The following CDK19 variants were observed in gnomAD, a reference collection of about 807,000 sequenced individuals.
CDK19 encodes the protein cyclin-dependent kinase 19.
In CDK19, 20 loss-of-function variants were observed where a neutral mutation model predicts 68.3. The observed-to-expected ratio is 0.29, with a 90% CI of 0.21 to 0.43. CDK19 has a LOEUF of 0.43. Among genes scored for constraint, CDK19 ranks in the 20% least tolerant of loss-of-function variants. The pLI, the probability that CDK19 is intolerant of heterozygous loss-of-function variation, is 1.00. For missense variants in CDK19, 339 were observed against 623.5 expected (o/e 0.54, Z 4.86); for synonymous variants, 221 against 222.8 (o/e 0.99, Z 0.07).
intron 2 of CDK19, among the ~76,000 whole-genome samples, chr6:110,709,223 T>C (rs978858617): frequency 2.6e-5 from 4 of 152,148 alleles, no homozygotes; most frequent in Non-Finnish European, 4.4e-5. Flanking sequence ...GCCAGTATCA[T>C]ACTGAAAACT....
chr6:110,708,241 T>C (rs1051630561), intron 2 of CDK19, among the ~76,000 whole-genome samples: 2 of 152,128 alleles, frequency 1.3e-5, no homozygotes, highest in African/African-American at 2.4e-5. Context: ...TATTCAACGG[T>C]GCTGGTCCAC....
chr6:110,790,703 C>T (rs1781530601), intron 1 of CDK19, among the ~76,000 whole-genome samples: 1 of 151,968 alleles, frequency 6.6e-6, no homozygotes. Flanking sequence ...CTTTCCTATC[C>T]CTCTACATAT....
At chr6:110,774,957 T>C (rs1260906486) in intron 1 of CDK19, among the ~76,000 whole-genome samples, 2 of 148,456 alleles carry the variant, frequency 1.3e-5, no homozygotes, top group Admixed American at 6.7e-5. Flanking sequence ...TCAAAAGAAA[T>C]ACAAAATAGG....
chr6:110,807,297 T>C (rs543639349), intron 1 of CDK19, among the ~76,000 whole-genome samples: 3 of 152,212 alleles, frequency 2.0e-5, no homozygotes, highest in Non-Finnish European at 2.9e-5. Flanking sequence ...AATAGAAAAG[T>C]GTGCAGCACA....
At chr6:110,723,809 G>A (rs1408105385) in intron 2 of CDK19, among the ~76,000 whole-genome samples, 3 of 152,158 alleles carry the variant, frequency 2.0e-5, no homozygotes, top group Non-Finnish European at 2.9e-5. Flanking sequence ...AAATTGTGAT[G>A]TTTCTTCCCT....
chr6:110,650,522 A>T (rs1372772151), intron 4 of CDK19, among the ~76,000 whole-genome samples: 1 of 152,240 alleles, frequency 6.6e-6, no homozygotes, highest in Non-Finnish European at 1.5e-5. Context: ...AAATAAAGCA[A>T]GGCATGGGGA....
Position 110,754,638 on chromosome 6 carries a change from C to A in CDK19, c.129-8437G>T, listed in dbSNP as rs1390993726. The stretch of plus-strand genomic sequence containing the variant: ...GGGATTACAGGCACGCGCAACCATG[C>A]CCAGCTAATTTTTTTGCATTTTTAG... On this transcript the variant is annotated intron_variant, in intron 1 of 12. Transcript: ENST00000368911. Among the ~76,000 whole-genome samples the A allele has an allele frequency of 2.0e-5, 3 of 151,936 alleles. No homozygotes were observed. The East Asian group carries it at 5.8e-4, about 29-fold the overall frequency.
At chr6:110,789,617 T>C (rs1046471517) in intron 1 of CDK19, among the ~76,000 whole-genome samples, 1 of 152,132 alleles carries the variant, frequency 6.6e-6, no homozygotes, top group African/African-American at 2.4e-5. Flanking sequence ...ACCATGTTGC[T>C]CAGGCTGGTC....
intron 1 of CDK19, among the ~76,000 whole-genome samples, chr6:110,773,503 G>A (rs1780185763): frequency 1.3e-5 from 2 of 152,146 alleles, no homozygotes; most frequent in South Asian, 4.1e-4. Context: ...AGTAAAAGGA[G>A]CAGCATATGA....
intron 4 of CDK19, among the ~76,000 whole-genome samples, chr6:110,644,962 G>C (rs545957518): frequency 6.6e-6 from 1 of 152,244 alleles, no homozygotes; most frequent in East Asian, 1.9e-4. Context: ...TTATGTACTT[G>C]AAAAATATAT....
At chr6:110,793,801 T>C (rs1451268968) in intron 1 of CDK19, among the ~76,000 whole-genome samples, 3 of 152,180 alleles carry the variant, frequency 2.0e-5, no homozygotes, top group African/African-American at 7.2e-5. Flanking sequence ...AAGAAATACC[T>C]GGAGGCATAA....
At chr6:110,690,615 A>C (rs1012560216) in intron 2 of CDK19, among the ~76,000 whole-genome samples, 3 of 152,202 alleles carry the variant, frequency 2.0e-5, no homozygotes, top group Admixed American at 6.5e-5. Flanking sequence ...ATAAATAAGT[A>C]AGTCCACACC....
intron 4 of CDK19, among the ~76,000 whole-genome samples, chr6:110,662,537 T>C (rs1781684714): frequency 6.6e-6 from 1 of 152,220 alleles, no homozygotes; most frequent in African/African-American, 2.4e-5. Context: ...AATTGCCAGA[T>C]GCCTTGCTGA....
chr6:110,615,777 G>C (rs1302168161), intron 12 of CDK19, among the ~76,000 whole-genome samples: 1 of 152,180 alleles, frequency 6.6e-6, no homozygotes, highest in Non-Finnish European at 1.5e-5. Flanking sequence ...TAAGATGTAG[G>C]TGCAGTTAAA....
chr6:110,614,942 G>C (rs780454392), intron 12 of CDK19, among the ~76,000 whole-genome samples: 1 of 152,108 alleles, frequency 6.6e-6, no homozygotes, highest in South Asian at 2.1e-4. Context: ...AAATTTCAGC[G>C]GACCCATTTC....
intron 2 of CDK19, among the ~76,000 whole-genome samples, chr6:110,727,687 A>G (rs1776414208): frequency 6.6e-6 from 1 of 152,066 alleles, no homozygotes; most frequent in South Asian, 2.1e-4. Flanking sequence ...AAGAAGAGCG[A>G]CTGGGCCAGG....
At chr6:110,739,515 G>A (rs1777492816) in intron 2 of CDK19, among the ~76,000 whole-genome samples, 1 of 151,976 alleles carries the variant, frequency 6.6e-6, no homozygotes, top group Admixed American at 6.6e-5. Flanking sequence ...CTCAACCTAT[G>A]CCCTTCACCC....
chr6:110,774,441 T>C (rs1449891472), intron 1 of CDK19, among the ~76,000 whole-genome samples: 1 of 152,130 alleles, frequency 6.6e-6, no homozygotes, highest in Admixed American at 6.5e-5. Flanking sequence ...AGCATAGATA[T>C]ACTGGACAAA....
chr6:110,634,899 C>T (rs1394125756), intron 5 of CDK19, among the ~76,000 whole-genome samples: 5 of 152,232 alleles, frequency 3.3e-5, no homozygotes, highest in African/African-American at 1.2e-4. Context: ...CATCTACTCA[C>T]TCGCAGATGC....
Sources: allele counts gnomAD v4.1 joint callset (sites outside exome capture counted in the v4.1 genomes callset), GRCh38; gene constraint gnomAD v4.1.1; transcripts MANE v1.5; gene names NCBI Gene and HGNC (gene_info 2026-07-23, HGNC 2026-07-21).